Variants in HELQ observed in about 807,000 individuals in gnomAD.
The protein encoded by HELQ is helicase POLQ-like.
Under a neutral mutation model 111.6 loss-of-function variants are expected in HELQ, and 77 were observed. The ratio of observed to expected loss-of-function variants is 0.69; its 90% CI spans 0.57 to 0.83. The LOEUF (loss-of-function observed/expected upper bound fraction) is 0.83. Ranked by LOEUF, HELQ falls within the 40% of genes least tolerant of loss-of-function variation. HELQ has a pLI of 0.00. For synonymous variants in HELQ, 438 were observed against 454.7 expected (o/e 0.96, Z 0.47); for missense variants, 1,200 against 1,288.5 (o/e 0.93, Z 1.05).
intron 13 of HELQ, among the ~76,000 whole-genome samples, chr4:83,427,252 G>A (rs1435937694): frequency 1.3e-5 from 2 of 151,454 alleles, no homozygotes; most frequent in East Asian, 1.9e-4. Context: ...AAAGTTAAAC[G>A]AACCATAAAT....
chr4:83,448,768 TACACAC>T lies in HELQ; in HGVS notation c.1191+9_1191+14del. The T allele has an allele frequency of 2.5e-6, 4 of 1,576,598 alleles. No individual in the cohort carries two copies. The highest frequency in any genetic ancestry group is 3.5e-6 in the Non-Finnish European group (4 of 1,153,898). On this transcript the variant is annotated intron_variant, in intron 3 of 17. Coordinates refer to ENST00000295488, the MANE Select transcript of HELQ (RefSeq NM_133636.5). ...AGCAAATAACATTTGTTTTAAAACA[TACACAC>T]ACACACACCTTTTCTTGGACAATTG...
At chr4:83,410,977 C>G (rs1433750802) in intron 17 of HELQ, among the ~76,000 whole-genome samples, 1 of 149,950 alleles carries the variant, frequency 6.7e-6, no homozygotes, top group Non-Finnish European at 1.5e-5. Flanking sequence ...ATGGAGAAAC[C>G]CCATCTCTAA....
chr4:83,449,836 A>G (rs1721252653), intron 2 of HELQ, among the ~76,000 whole-genome samples: 1 of 151,192 alleles, frequency 6.6e-6, no homozygotes, highest in African/African-American at 2.4e-5. Context: ...GGTTGGCAAA[A>G]TAAATTTTTA....
chr4:83,438,634 T>C (rs576820101), intron 8 of HELQ, among the ~76,000 whole-genome samples: 110 of 150,738 alleles, frequency 7.3e-4, no homozygotes, highest in African/African-American at 2.6e-3. Context: ...CCCAGCTACT[T>C]GGGAGGCTGA....
At chr4:83,431,803 A>T (rs1720168476) in intron 10 of HELQ, 35 bp from the exon 11 acceptor site, 1 of 850,088 alleles carries the variant, frequency 1.2e-6, no homozygotes, top group African/African-American at 1.8e-5. Context: ...GCCTTGTGTT[A>T]TTATTAAAAA....
chr4:83,432,008 A>G, intron 10 of HELQ, 118 bp downstream of exon 10: 1 of 592,624 alleles, frequency 1.7e-6, no homozygotes, highest in Non-Finnish European at 2.7e-6. Context: ...TCATATAGGA[A>G]AGAAAGCATC....
At chr4:83,443,929 C>T (rs1235813281) in intron 5 of HELQ, among the ~76,000 whole-genome samples, 1 of 152,038 alleles carries the variant, frequency 6.6e-6, no homozygotes, top group Non-Finnish European at 1.5e-5. Flanking sequence ...CCTGTAGTCC[C>T]AGCTACTTAG....
chr4:83,450,222 TAAAA>T (rs71668650), intron 2 of HELQ, among the ~76,000 whole-genome samples: 999 of 45,198 alleles, frequency 0.022, 8 homozygotes, highest in African/African-American at 0.044. Flanking sequence ...CAGTTAAGTT[TAAAA>T]AAAAAAAAAA....
intron 15 of HELQ, among the ~76,000 whole-genome samples, chr4:83,419,119 T>G (rs906452657): frequency 6.6e-6 from 1 of 151,638 alleles, no homozygotes; most frequent in African/African-American, 2.4e-5. Flanking sequence ...GCTTTGAATG[T>G]CACCCAAAAC....
chr4:83,440,061 T>C, intron 7 of HELQ, 53 bp from the exon 8 acceptor site: 1 of 1,420,972 alleles, frequency 7.0e-7, no homozygotes, highest in Non-Finnish European at 9.7e-7. Flanking sequence ...TGAAACCCTG[T>C]CAATTTTTTA....
rs759691915 is a variant in HELQ at position 83,429,538 on chromosome 4, C to T, written c.2504G>A (p.Arg835His). The T allele has an allele frequency of 9.4e-6, 15 of 1,600,326 alleles. No homozygotes were observed. Among genetic ancestry groups the T allele is most frequent in the African/African-American group, 5.4e-5 (4 of 74,470 alleles). Reference protein sequence around the residue: ...QYNFHITKLGRASFKGTIDLA... With the variant: ...QYNFHITKLGHASFKGTIDLA... ...TAAACTCTTACCCTTAAATGAAGCA[C>T]GTCCCAACTTTGTAATATGAAAATT... Residue 835 changes from arginine (R) to histidine (H), a missense_variant, in exon 12 of 18, where the codon CGT (arginine) becomes CAT (histidine). Transcript: ENST00000295488.
intron 14 of HELQ, 140 bp from the exon 15 acceptor site, chr4:83,421,876 A>G: frequency 1.5e-6 from 1 of 654,034 alleles, no homozygotes; most frequent in Middle Eastern, 4.1e-4. Context: ...ACTAATTTCT[A>G]ACAGATGTAC....
intron 17 of HELQ, among the ~76,000 whole-genome samples, chr4:83,412,846 C>T (rs1055249355): frequency 6.6e-6 from 1 of 152,142 alleles, no homozygotes; most frequent in African/African-American, 2.4e-5. Context: ...AAAAGACCCT[C>T]ATCCCAGAGT....
chr4:83,437,468 C>T (rs1396732390), intron 8 of HELQ, among the ~76,000 whole-genome samples: 4 of 151,786 alleles, frequency 2.6e-5, no homozygotes, highest in South Asian at 2.1e-4. Flanking sequence ...AAAAATTAGC[C>T]GGGCATGGTG....
At chr4:83,431,253 GAAAA>G (rs897449173) in intron 11 of HELQ, among the ~76,000 whole-genome samples, 2 of 145,078 alleles carry the variant, frequency 1.4e-5, no homozygotes, top group African/African-American at 5.0e-5. Flanking sequence ...CCATCTCTAA[GAAAA>G]AAAAAAGCCA....
At chr4:83,410,261 A>C (rs1197922146) in intron 17 of HELQ, among the ~76,000 whole-genome samples, 1 of 152,216 alleles carries the variant, frequency 6.6e-6, no homozygotes, top group Non-Finnish European at 1.5e-5. Context: ...CTCCCCCTAA[A>C]AAAATATCTG....
intron 17 of HELQ, among the ~76,000 whole-genome samples, chr4:83,412,768 G>A (rs1042801304): frequency 6.6e-6 from 1 of 152,094 alleles, no homozygotes; most frequent in African/African-American, 2.4e-5. Flanking sequence ...AGGCTGCAGT[G>A]ATCTATGATT....
intron 8 of HELQ, 66 bp from the exon 9 acceptor site, chr4:83,437,163 C>T: frequency 6.9e-7 from 1 of 1,447,734 alleles, no homozygotes; most frequent in Non-Finnish European, 9.5e-7. Context: ...CTACCATTTT[C>T]ATTTTAGTAG....
chr4:83,427,481 C>G (rs1275222193), intron 13 of HELQ, 82 bp downstream of exon 13: 2 of 1,197,198 alleles, frequency 1.7e-6, no homozygotes, highest in Non-Finnish European at 2.3e-6. Flanking sequence ...ATGGCAAAGC[C>G]TCATCTCTAA....
Sources: gnomAD v4.1 joint callset for allele counts (sites outside exome capture counted in the v4.1 genomes callset) on GRCh38, gnomAD v4.1.1 for gene constraint, MANE v1.5 for transcripts, NCBI Gene and HGNC (gene_info 2026-07-23, HGNC 2026-07-21) for gene names.